IGF1: variants seen among roughly 807,000 people sequenced by gnomAD.
The protein encoded by IGF1 is insulin-like growth factor 1.
In IGF1, 4 loss-of-function variants were observed where a neutral mutation model predicts 13.8. The observed-to-expected ratio is 0.29, with a 90% confidence interval of 0.14 to 0.66. The LOEUF is 0.66. Among genes scored for constraint, IGF1 ranks in the 30% least tolerant of loss-of-function variants. IGF1 has a pLI of 0.78. For missense variants in IGF1, 124 were observed against 188.5 expected (o/e 0.66, Z 2.00); for synonymous variants, 76 against 72.6 (o/e 1.05, Z -0.23).
chr12:102,431,096 G>A (rs2137048939), intron 2 of IGF1, among the ~76,000 whole-genome samples: 1 of 152,178 alleles, frequency 6.6e-6, no homozygotes, highest in Middle Eastern at 3.4e-3. Context: ...CATCACCAAG[G>A]GGTCTCTTTC....
intron 3 of IGF1, among the ~76,000 whole-genome samples, chr12:102,411,966 A>G (rs969088985): frequency 6.6e-6 from 1 of 152,182 alleles, no homozygotes; most frequent in Non-Finnish European, 1.5e-5. Context: ...GATTGGCTGG[A>G]TGCATTGACC....
chr12:102,465,543 G>A (rs1400520636), intron 2 of IGF1, among the ~76,000 whole-genome samples: 4 of 152,178 alleles, frequency 2.6e-5, no homozygotes, highest in Non-Finnish European at 4.4e-5. Context: ...GAAAAAAGGA[G>A]AAAAATTTGG....
At chr12:102,407,893 T>A (rs1874308187) in intron 3 of IGF1, among the ~76,000 whole-genome samples, 1 of 152,144 alleles carries the variant, frequency 6.6e-6, no homozygotes, top group African/African-American at 2.4e-5. Flanking sequence ...TCCCCACTTA[T>A]CTTTATGAGA....
intron 1 of IGF1, among the ~76,000 whole-genome samples, chr12:102,477,469 A>C (rs1881127342): frequency 6.6e-6 from 1 of 152,078 alleles, no homozygotes; most frequent in Admixed American, 6.6e-5. Context: ...TCCGCATGGA[A>C]ATCTTCCACC....
At chr12:102,430,438 A>T (rs1876636867) in intron 2 of IGF1, among the ~76,000 whole-genome samples, 1 of 152,192 alleles carries the variant, frequency 6.6e-6, no homozygotes, top group South Asian at 2.1e-4. Flanking sequence ...TAGGCTGACG[A>T]ATGAAATGAC....
intron 2 of IGF1, among the ~76,000 whole-genome samples, chr12:102,427,557 C>T (rs1876319939): frequency 6.6e-6 from 1 of 152,172 alleles, no homozygotes; most frequent in Non-Finnish European, 1.5e-5. Flanking sequence ...CACTCAGGGA[C>T]CTGTTTTTTG....
At chr12:102,479,534 C>G (rs899989224) in intron 1 of IGF1, among the ~76,000 whole-genome samples, 1 of 152,144 alleles carries the variant, frequency 6.6e-6, no homozygotes, top group African/African-American at 2.4e-5. Flanking sequence ...AGGGACTTCA[C>G]GACACTGAAT....
chr12:102,422,591 A>G (rs941476079), intron 2 of IGF1, among the ~76,000 whole-genome samples: 1 of 152,226 alleles, frequency 6.6e-6, no homozygotes, highest in Non-Finnish European at 1.5e-5. Flanking sequence ...TTCCAGAACC[A>G]CAATAAAGAT....
chr12:102,406,909 A>G (rs1014149114), intron 3 of IGF1, among the ~76,000 whole-genome samples: 4 of 152,176 alleles, frequency 2.6e-5, no homozygotes, highest in South Asian at 2.1e-4. Flanking sequence ...CCTGGCCAAC[A>G]TGGTGAAACC....
At chr12:102,411,936 G>A (rs1056254220) in intron 3 of IGF1, among the ~76,000 whole-genome samples, 2 of 152,188 alleles carry the variant, frequency 1.3e-5, no homozygotes, top group Non-Finnish European at 1.5e-5. Context: ...AGAAGTAAGG[G>A]CAGGGGATGA....
chr12:102,414,670 C>T (rs1047576281), intron 3 of IGF1, among the ~76,000 whole-genome samples: 7 of 152,094 alleles, frequency 4.6e-5, no homozygotes, highest in Non-Finnish European at 8.8e-5. Context: ...GCAATCTGCC[C>T]GCCTTGGCCT....
In IGF1 at chr12:102,398,176, T is replaced by C. The variant is rs1383013571; in HGVS notation, c.*4331A>G. ...AACAATTTCTCATAAATTCTTTCTT[T>C]ATCAGTAGATAACCCCCATCTCATA... On this transcript the variant is annotated 3_prime_UTR_variant, in exon 4 of 4. Transcript: ENST00000337514. The C allele has an allele frequency of 6.6e-6, 1 of 152,586 alleles. No homozygotes were observed. Among genetic ancestry groups the C allele is most frequent in the African/African-American group, 2.4e-5 (1 of 41,456 alleles). The allele number at this position is 152,586 out of a possible 1,614,324, so 9.5% of individuals were successfully genotyped here.
At chr12:102,404,978 C>T (rs903251457) in intron 3 of IGF1, among the ~76,000 whole-genome samples, 5 of 151,750 alleles carry the variant, frequency 3.3e-5, no homozygotes, top group South Asian at 2.1e-4. Context: ...AGGTTGGTCT[C>T]GAACTTCTGA....
intron 2 of IGF1, among the ~76,000 whole-genome samples, chr12:102,435,874 C>T (rs755694509): frequency 6.6e-6 from 1 of 152,226 alleles, no homozygotes; most frequent in African/African-American, 2.4e-5. Context: ...GGGTGGTGCT[C>T]AAGCACTTGC....
At chr12:102,411,040 C>T (rs1445847334) in intron 3 of IGF1, among the ~76,000 whole-genome samples, 2 of 152,120 alleles carry the variant, frequency 1.3e-5, no homozygotes, top group Non-Finnish European at 2.9e-5. Flanking sequence ...GGCATTGTGC[C>T]AAAAGCACCT....
At chr12:102,441,957 T>TCCTCTTCCTCTTCCTCTTCCTCTTCC (rs71438463) in intron 2 of IGF1, among the ~76,000 whole-genome samples, 1 of 134,680 alleles carries the variant, frequency 7.4e-6, no homozygotes, top group Non-Finnish European at 1.6e-5. Flanking sequence ...TTCTTCTTCT[T>TCCTCTTCCTCTTCCTCTTCCTCTTCC]TTTTTTTTTT....
intron 2 of IGF1, among the ~76,000 whole-genome samples, chr12:102,441,263 AT>A (rs1277760467): frequency 2.6e-5 from 4 of 152,210 alleles, no homozygotes. Context: ...TATCTGCACC[AT>A]TATCTTCTTG....
At chr12:102,445,851 A>G (rs1878272567) in intron 2 of IGF1, among the ~76,000 whole-genome samples, 1 of 152,152 alleles carries the variant, frequency 6.6e-6, no homozygotes, top group Non-Finnish European at 1.5e-5. Context: ...CCCACTCAGT[A>G]TGATATTGGC....
intron 2 of IGF1, among the ~76,000 whole-genome samples, chr12:102,435,447 A>G (rs1433820496): frequency 6.6e-6 from 1 of 152,252 alleles, no homozygotes; most frequent in Non-Finnish European, 1.5e-5. Context: ...CCTGTGGTCC[A>G]TAATGTGTAT....
Sources: allele counts gnomAD v4.1 joint callset (sites outside exome capture counted in the v4.1 genomes callset), GRCh38; gene constraint gnomAD v4.1.1; transcripts MANE v1.5; gene names NCBI Gene and HGNC (gene_info 2026-07-23, HGNC 2026-07-21).